The following KIRREL3 variants were observed in gnomAD, a reference collection of about 807,000 sequenced individuals.
The protein encoded by KIRREL3 is kin of IRRE-like protein 3.
A neutral mutation model predicts 89.7 loss-of-function variants in KIRREL3; 36 were observed. The observed-to-expected ratio is 0.40, with a 90% CI of 0.31 to 0.53. The LOEUF is 0.53. Among genes scored for constraint, KIRREL3 ranks in the 20% least tolerant of loss-of-function variants. The pLI is 0.49. For synonymous variants in KIRREL3, 445 were observed against 441.4 expected (o/e 1.01, Z -0.10); for missense variants, 864 against 1,056.6 (o/e 0.82, Z 2.53).
intron 1 of KIRREL3, among the ~76,000 whole-genome samples, chr11:126,753,349 G>T (rs1265951155): frequency 6.6e-6 from 1 of 152,192 alleles, no homozygotes; most frequent in East Asian, 1.9e-4. Context: ...ACAGGAGGGT[G>T]CTTCAGTTAC....
At chr11:126,933,448 T>G (rs1948043724) in intron 1 of KIRREL3, among the ~76,000 whole-genome samples, 1 of 151,270 alleles carries the variant, frequency 6.6e-6, no homozygotes, top group Non-Finnish European at 1.5e-5. Flanking sequence ...ACTCTTTGCA[T>G]GTTTTAAAGA....
chr11:126,491,391 C>A lies in KIRREL3; in HGVS notation c.434-17925G>T, dbSNP rs898550414. Among the ~76,000 whole-genome samples, 1 of 152,174 alleles carries A rather than the reference C, an allele frequency of 6.6e-6. No homozygotes were observed. Among genetic ancestry groups the A allele is most frequent in the Non-Finnish European group, 1.5e-5 (1 of 68,032 alleles). ...CACTTGCTCTCAGGGGGAAAGAAAGCGCCCTCTCTTCCTGCAGGGCTGGCT... is the reference window on the plus strand; with the variant it reads ...CACTTGCTCTCAGGGGGAAAGAAAGAGCCCTCTCTTCCTGCAGGGCTGGCT... On this transcript the variant is annotated intron_variant, in intron 4 of 16. Coordinates refer to ENST00000525144, the MANE Select transcript of KIRREL3 (RefSeq NM_032531.4). This position sits in a 1 kb window ranked among gnomAD's most constrained non-coding sequence, Gnocchi z 5.5.
chr11:126,628,239 A>T lies in KIRREL3; in HGVS notation c.56-65327T>A, dbSNP rs572477790. 6.6e-6 allele frequency among the ~76,000 whole-genome samples: 1 copy of T among 152,050 alleles called. No homozygotes were observed. Among genetic ancestry groups the T allele is most frequent in the Non-Finnish European group, 1.5e-5 (1 of 67,978 alleles). On this transcript the variant is annotated intron_variant, in intron 1 of 16. Transcript: ENST00000525144. This position sits in a 1 kb window ranked among gnomAD's most constrained non-coding sequence, Gnocchi z 5.2. ...ACTCATCAAGACCTGCTCACCACCC[A>T]CCAATCCTGTCAGACTCTTTCTCTC...
At chr11:126,529,737 AATT>A (rs1958886029) in intron 2 of KIRREL3, among the ~76,000 whole-genome samples, 1 of 152,088 alleles carries the variant, frequency 6.6e-6, no homozygotes, top group South Asian at 2.1e-4. Flanking sequence ...ATGATTTACA[AATT>A]ATTATTTTTG....
chr11:126,791,611 T>G lies in KIRREL3; in HGVS notation c.55+208844A>C, dbSNP rs1275687726. ...CCTTTTGTAGGCAAAGGGATCTGAG[T>G]GCAGTTTCGAAGCCCATAGCCAGGG... On this transcript the variant is annotated intron_variant, in intron 1 of 16. Transcript: ENST00000525144. This position sits in a 1 kb window ranked among gnomAD's most constrained non-coding sequence, Gnocchi z 4.8. Among the ~76,000 whole-genome samples the G allele has an allele frequency of 1.3e-5, 2 of 152,144 alleles. No individual in the cohort carries two copies. Among genetic ancestry groups the G allele is most frequent in the African/African-American group, 4.8e-5 (2 of 41,414 alleles).
In KIRREL3 at chr11:126,443,396, A is replaced by T. The variant is rs1313949013; in HGVS notation, c.1252+1583T>A. ...AAGGCTGCAGCCTGTGTTGCCATGG[A>T]TATACGGAGGCGCGATCAGATGCTG... On this transcript the variant is annotated intron_variant, in intron 10 of 16. Transcript: ENST00000525144. This position sits in a 1 kb window ranked among gnomAD's most constrained non-coding sequence, Gnocchi z 7.3. Among the ~76,000 whole-genome samples the T allele has an allele frequency of 6.6e-6, 1 of 152,160 alleles. No individual in the cohort carries two copies. Among genetic ancestry groups the T allele is most frequent in the Non-Finnish European group, 1.5e-5 (1 of 68,042 alleles).
intron 1 of KIRREL3, among the ~76,000 whole-genome samples, chr11:126,922,986 G>A (rs1341077561): frequency 6.6e-6 from 1 of 152,162 alleles, no homozygotes; most frequent in African/African-American, 2.4e-5. Context: ...TCGAGTCGGT[G>A]CCCTTGCACC....
intron 1 of KIRREL3, among the ~76,000 whole-genome samples, chr11:126,798,759 G>A (rs1397487307): frequency 6.6e-6 from 1 of 152,176 alleles, no homozygotes; most frequent in Non-Finnish European, 1.5e-5. Flanking sequence ...GAAACCATAC[G>A]GAGCAGCATT....
chr11:126,548,278 A>T (rs1037434915), intron 2 of KIRREL3, among the ~76,000 whole-genome samples: 2 of 152,156 alleles, frequency 1.3e-5, no homozygotes, highest in Admixed American at 6.5e-5. Flanking sequence ...TTGTATCTGC[A>T]GGCCCGACCA....
rs190902190 is a variant in KIRREL3 at position 126,655,458 on chromosome 11, C to G, written c.56-92546G>C. Among the ~76,000 whole-genome samples the G allele has an allele frequency of 1.4e-4, 22 of 152,254 alleles. No homozygotes were observed. The East Asian group carries it at 3.3e-3, about 23-fold the overall frequency. ...TTCTCCTTCACCCCTCCACTCCCCC[C>G]ACAAACAACTGAATTTGGAAGGTTA... On this transcript the variant is annotated intron_variant, in intron 1 of 16. Coordinates refer to ENST00000525144, the MANE Select transcript of KIRREL3 (RefSeq NM_032531.4). This position sits in a 1 kb window ranked among gnomAD's most constrained non-coding sequence, Gnocchi z 5.0.
rs889996213 is a variant in KIRREL3 at position 126,771,766 on chromosome 11, A to G, written c.56-208854T>C. Among the ~76,000 whole-genome samples the G allele has an allele frequency of 2.0e-5, 3 of 152,248 alleles. No homozygotes were observed. The highest frequency in any genetic ancestry group is 4.4e-5 in the Non-Finnish European group (3 of 68,044). On this transcript the variant is annotated intron_variant, in intron 1 of 16. Transcript: ENST00000525144. The surrounding 1 kb of genome is among the most constrained non-coding windows in gnomAD (Gnocchi z 4.4). ...AATGATCAACCAACATCTTTATTAA[A>G]AAAACGTTTTCATGTGAAGCCACAG...
chr11:126,773,333 A>G lies in KIRREL3; in HGVS notation c.56-210421T>C, dbSNP rs564818818. Among the ~76,000 whole-genome samples the G allele has an allele frequency of 2.1e-4, 32 of 152,276 alleles. No individual in the cohort carries two copies. The highest frequency in any genetic ancestry group is 7.0e-4 in the African/African-American group (29 of 41,538). ...ATCAGTTCAGGGCCAGAGTAGAACA[A>G]AAGGCTGGCCTCACCCGAGCAAGAA... is the stretch of plus-strand genomic sequence containing the variant. On this transcript the variant is annotated intron_variant, in intron 1 of 16. Transcript: ENST00000525144. This position sits in a 1 kb window ranked among gnomAD's most constrained non-coding sequence, Gnocchi z 4.2.
chr11:126,789,965 G>A (rs1950589341), intron 1 of KIRREL3, among the ~76,000 whole-genome samples: 1 of 152,224 alleles, frequency 6.6e-6, no homozygotes, highest in African/African-American at 2.4e-5. Flanking sequence ...CTGCTAACTG[G>A]CATGTCTCAT....
At chr11:126,857,032 G>A (rs1033816010) in intron 1 of KIRREL3, among the ~76,000 whole-genome samples, 2 of 152,194 alleles carry the variant, frequency 1.3e-5, no homozygotes, top group African/African-American at 2.4e-5. Context: ...GAGAAAGAAG[G>A]CACTCACATT....
intron 4 of KIRREL3, among the ~76,000 whole-genome samples, chr11:126,510,271 C>T (rs1958173462): frequency 6.6e-6 from 1 of 152,154 alleles, no homozygotes; most frequent in Non-Finnish European, 1.5e-5. Context: ...ATCATCTCAT[C>T]TCTGGAGATG....
Position 126,991,633 on chromosome 11 carries a change from C to T in KIRREL3, c.55+8822G>A, listed in dbSNP as rs918375588. 6.6e-6 allele frequency among the ~76,000 whole-genome samples: 1 copy of T among 152,162 alleles called. No individual in the cohort carries two copies. The highest frequency in any genetic ancestry group is 1.5e-5 in the Non-Finnish European group (1 of 68,042). ...AATGCCAGAAAGATAAAGAAACTGA[C>T]TCAGAAAGAGTCTGGAATAAAAAAG... On this transcript the variant is annotated intron_variant, in intron 1 of 16. Coordinates refer to ENST00000525144, the MANE Select transcript of KIRREL3 (RefSeq NM_032531.4). This position sits in a 1 kb window ranked among gnomAD's most constrained non-coding sequence, Gnocchi z 5.8.
At chr11:126,648,207 C>A (rs1488735487) in intron 1 of KIRREL3, among the ~76,000 whole-genome samples, 1 of 152,190 alleles carries the variant, frequency 6.6e-6, no homozygotes, top group Non-Finnish European at 1.5e-5. Flanking sequence ...GAGGCCTCCC[C>A]AGCTGTGCCT....
intron 4 of KIRREL3, among the ~76,000 whole-genome samples, chr11:126,493,094 G>A (rs1336454743): frequency 6.6e-6 from 1 of 152,252 alleles, no homozygotes; most frequent in African/African-American, 2.4e-5. Context: ...TAGGCAGTGA[G>A]GTAGGCAGAG....
chr11:126,933,930 C>CT (rs1948064363), intron 1 of KIRREL3, among the ~76,000 whole-genome samples: 1 of 151,710 alleles, frequency 6.6e-6, no homozygotes, highest in South Asian at 2.1e-4. Flanking sequence ...TCTCAACAGG[C>CT]TTTTTTCTCC....
Sources: gnomAD v4.1 joint callset for allele counts (sites outside exome capture counted in the v4.1 genomes callset) on GRCh38, gnomAD v4.1.1 for gene constraint, Gnocchi (gnomAD v3.1) non-coding constraint, MANE v1.5 for transcripts, NCBI Gene and HGNC (gene_info 2026-07-23, HGNC 2026-07-21) for gene names.